CCDC196: variants seen among roughly 807,000 people sequenced by gnomAD.
The protein encoded by CCDC196 is coiled-coil domain-containing protein 196.
At chr14:66,488,402 G>A in intron 3 of CCDC196, 146 bp downstream of exon 3, 1 of 394,522 alleles carries the variant, frequency 2.5e-6, no homozygotes, top group Non-Finnish European at 4.5e-6. Context: ...AAAGTCCAGG[G>A]TGACCCAAAA....
Position 66,490,759 on chromosome 14 carries a change from A to G in CCDC196, c.369A>G (p.Glu123=). The stretch of plus-strand genomic sequence containing the variant: ...TTCCACAGACATTCGAGGCAGAAGA[A>G]CTTAGTGATCAACAAAAAGCACCAC... ...MLWNKTFEAE[E]LSDQQKAPQT... is the part of the protein sequence containing the mutation. Residue 123 remains glutamate, a synonymous_variant, in exon 5 of 10, where the codon GAA becomes GAG. Coordinates refer to ENST00000636229, the MANE Select transcript of CCDC196 (RefSeq NM_001351576.1). 2.5e-6 allele frequency: 1 copy of G among 399,536 alleles called. No homozygotes were observed. The highest frequency in any genetic ancestry group is 4.4e-6 in the Non-Finnish European group (1 of 226,138). 24.7% of individuals were successfully genotyped at this position (399,536 alleles called of 1,614,324 possible).
At chr14:66,496,038 A>AT in intron 8 of CCDC196, among the ~76,000 whole-genome samples, 1 of 152,324 alleles carries the variant, frequency 6.6e-6, no homozygotes, top group East Asian at 1.9e-4. Flanking sequence ...GGGCACTAAA[A>AT]GAAAAAATGA....
At chr14:66,496,611 C>T in intron 8 of CCDC196, 1 of 302,576 alleles carries the variant, frequency 3.3e-6, no homozygotes, top group Non-Finnish European at 6.5e-6. Context: ...TCCCTAACTT[C>T]TATAGAGTCC....
At chr14:66,491,530 C>T in intron 6 of CCDC196, 96 bp from the exon 7 acceptor site, 1 of 412,474 alleles carries the variant, frequency 2.4e-6, no homozygotes, top group Admixed American at 4.4e-5. Flanking sequence ...AAATCTGCGA[C>T]ACTATAATTT....
intron 4 of CCDC196, among the ~76,000 whole-genome samples, chr14:66,489,812 A>T (rs533754209): frequency 6.6e-6 from 1 of 152,304 alleles, no homozygotes; most frequent in East Asian, 1.9e-4. Flanking sequence ...TTAAGATAAC[A>T]ATATTAGGGC....
Position 66,490,827 on chromosome 14 carries a change from G to A in CCDC196, c.429+8G>A. 2.5e-6 allele frequency: 1 copy of A among 400,204 alleles called. No homozygotes were observed. Among genetic ancestry groups the A allele is most frequent in the East Asian group, 3.6e-5 (1 of 28,076 alleles). The allele number at this position is 400,204 out of a possible 1,614,324, so 24.8% of individuals were successfully genotyped here. A position where few individuals can be genotyped will look rare whatever the true frequency, so the allele number is the denominator to read the frequency against. ...GACTTGCAGGATGGAAAGGCAAGTG[G>A]ACTGCATGTACTTAAAATTTCAAGA... is the stretch of plus-strand genomic sequence containing the variant. On this transcript the variant is annotated splice_region_variant and intron_variant, in intron 5 of 9. Coordinates refer to ENST00000636229, the MANE Select transcript of CCDC196 (RefSeq NM_001351576.1).
At chr14:66,490,606 T>C (rs2057512854) in intron 4 of CCDC196, 136 bp from the exon 5 acceptor site, 1 of 396,462 alleles carries the variant, frequency 2.5e-6, no homozygotes, top group Non-Finnish European at 4.4e-6. Context: ...CTCAACTCCC[T>C]TTGGTAGTAC....
At chr14:66,490,698 T>G in intron 4 of CCDC196, 44 bp from the exon 5 acceptor site, 1 of 398,984 alleles carries the variant, frequency 2.5e-6, no homozygotes, top group Non-Finnish European at 4.4e-6. Flanking sequence ...CTTCCCTCTT[T>G]AATTTCCACT....
chr14:66,498,310 C>T (rs1225758725), intron 9 of CCDC196, 43 bp from the exon 10 acceptor site: 2 of 412,422 alleles, frequency 4.8e-6, no homozygotes, highest in African/African-American at 2.1e-5. Flanking sequence ...CTAGGGTACT[C>T]AATATTTTAG....
At chr14:66,492,624 G>A (rs1202488416) in intron 8 of CCDC196, among the ~76,000 whole-genome samples, 1 of 152,154 alleles carries the variant, frequency 6.6e-6, no homozygotes, top group Non-Finnish European at 1.5e-5. Context: ...ACAGGTGTGA[G>A]CCACCACGCC....
intron 6 of CCDC196, 121 bp from the exon 7 acceptor site, chr14:66,491,505 A>T: frequency 2.4e-6 from 1 of 411,308 alleles, no homozygotes; most frequent in Non-Finnish European, 4.4e-6. Flanking sequence ...GTGCAGTTAA[A>T]GTCAATTTAA....
At position 66,492,136 on chromosome 14, in the gene CCDC196, G is replaced by GT. The variant is rs1409453829; in HGVS notation, c.658dup (p.Tyr220LeufsTer7). On this transcript the variant is annotated frameshift_variant, in exon 8 of 10. Coordinates refer to ENST00000636229, the MANE Select transcript of CCDC196 (RefSeq NM_001351576.1). LOFTEE classifies it high-confidence loss of function. ...AGGCCAATGACCTGAAATTATCACT[G>GT]TATTTGCAGCAGAATTTTGAGCCAA... 1 of 413,630 alleles carries GT rather than the reference G, an allele frequency of 2.4e-6. No individual in the cohort carries two copies. Among genetic ancestry groups the GT allele is most frequent in the African/African-American group, 2.1e-5 (1 of 48,608 alleles). 25.6% of individuals were successfully genotyped at this position (413,630 alleles called of 1,614,324 possible). A position where few individuals can be genotyped will look rare whatever the true frequency, so the allele number is the denominator to read the frequency against.
chr14:66,496,408 G>A (rs764754810), intron 8 of CCDC196: 89 of 455,108 alleles, frequency 2.0e-4, no homozygotes, highest in Middle Eastern at 3.2e-4. Context: ...CCCTACTTGT[G>A]AATTCCCTTG....
chr14:66,491,992 T>C, intron 7 of CCDC196, 61 bp from the exon 8 acceptor site: 1 of 411,710 alleles, frequency 2.4e-6, no homozygotes. Flanking sequence ...AGGATTCAGG[T>C]AACAATGGAT....
At chr14:66,496,267 T>G (rs1303592988) in intron 8 of CCDC196, 1 of 456,306 alleles carries the variant, frequency 2.2e-6, no homozygotes, top group African/African-American at 2.0e-5. Context: ...TTTACCTCAG[T>G]ACTCTTAGCC....
intron 8 of CCDC196, among the ~76,000 whole-genome samples, chr14:66,494,402 A>AT (rs2057613323): frequency 6.6e-6 from 1 of 152,146 alleles, no homozygotes; most frequent in African/African-American, 2.4e-5. Flanking sequence ...TTCATAAAGG[A>AT]TTTTAAAACT....
chr14:66,488,975 C>G lies in CCDC196; in HGVS notation c.301-12C>G, dbSNP rs1254361627. 2.4e-6 allele frequency: 1 copy of G among 413,086 alleles called. No homozygotes were observed. Among genetic ancestry groups the G allele is most frequent in the African/African-American group, 2.1e-5 (1 of 48,600 alleles). The allele number at this position is 413,086 out of a possible 1,614,324, so 25.6% of individuals were successfully genotyped here. ...CATGCTTCTGTTTGTTTGGTTCTTC[C>G]CCCTCCAACAGGAAAGGAAAAACAA... is the stretch of plus-strand genomic sequence containing the variant. On this transcript the variant is annotated splice_polypyrimidine_tract_variant and intron_variant, in intron 3 of 9. Transcript: ENST00000636229.
intron 2 of CCDC196, among the ~76,000 whole-genome samples, chr14:66,487,146 T>C (rs1258725046): frequency 6.6e-6 from 1 of 152,146 alleles, no homozygotes; most frequent in Non-Finnish European, 1.5e-5. Context: ...CACTTTAGAA[T>C]AAATAACTCT....
At position 66,491,006 on chromosome 14, in the gene CCDC196, C is replaced by T. The variant is rs2057522566; in HGVS notation, c.430-15C>T. On this transcript the variant is annotated splice_polypyrimidine_tract_variant and intron_variant, in intron 5 of 9. Coordinates refer to ENST00000636229, the MANE Select transcript of CCDC196 (RefSeq NM_001351576.1). ...TAGGACCTCTTATTCCTTTAGCTCTCTTCTTTCATCCCAGGCTCCCAAATC... is the reference window on the plus strand; with the variant it reads ...TAGGACCTCTTATTCCTTTAGCTCTTTTCTTTCATCCCAGGCTCCCAAATC... 2.4e-6 allele frequency: 1 copy of T among 413,510 alleles called. No individual in the cohort carries two copies. Among genetic ancestry groups the T allele is most frequent in the Non-Finnish European group, 4.4e-6 (1 of 226,182 alleles). The allele number at this position is 413,510 out of a possible 1,614,324, so 25.6% of individuals were successfully genotyped here. A position where few individuals can be genotyped will look rare whatever the true frequency, so the allele number is the denominator to read the frequency against.
Sources: gnomAD v4.1 joint callset for allele counts (sites outside exome capture counted in the v4.1 genomes callset) on GRCh38, gnomAD v4.1.1 for gene constraint, MANE v1.5 for transcripts, NCBI Gene and HGNC (gene_info 2026-07-23, HGNC 2026-07-21) for gene names.